UBAC2: variants seen among roughly 807,000 people sequenced by gnomAD.
The protein encoded by UBAC2 is ubiquitin-associated domain-containing protein 2.
In UBAC2, 26 loss-of-function variants were observed where a neutral mutation model predicts 44.0. That is an observed-to-expected ratio of 0.59 (90% confidence interval 0.43 to 0.82). The LOEUF is 0.82. Ranked by LOEUF, UBAC2 falls within the 40% of genes least tolerant of loss-of-function variation. UBAC2 has a pLI of 0.00. For missense variants in UBAC2, 329 were observed against 419.4 expected (o/e 0.78, Z 1.88); for synonymous variants, 155 against 154.3 (o/e 1.00, Z -0.04).
chr13:99,217,170 T>A (rs2043006425), intron 1 of UBAC2, among the ~76,000 whole-genome samples: 1 of 152,198 alleles, frequency 6.6e-6, no homozygotes, highest in African/African-American at 2.4e-5. Context: ...GTTTGGGGTT[T>A]TAGTGGGGCT....
intron 7 of UBAC2, among the ~76,000 whole-genome samples, chr13:99,360,112 A>G (rs1034657013): frequency 3.3e-5 from 5 of 150,388 alleles, no homozygotes. Context: ...TTACTCTTTT[A>G]TGGGGCACCA....
intron 4 of UBAC2, among the ~76,000 whole-genome samples, chr13:99,257,012 A>G (rs1328045140): frequency 2.0e-5 from 3 of 152,190 alleles, no homozygotes; most frequent in Admixed American, 2.0e-4. Flanking sequence ...ATCACGGGCT[A>G]TTGATAATTA....
At chr13:99,246,895 T>C (rs987389299) in intron 4 of UBAC2, among the ~76,000 whole-genome samples, 1 of 152,222 alleles carries the variant, frequency 6.6e-6, no homozygotes, top group East Asian at 1.9e-4. Flanking sequence ...CATTATATAG[T>C]ATGACTTTTT....
chr13:99,215,785 G>A, intron 1 of UBAC2: 2 of 887,874 alleles, frequency 2.3e-6, no homozygotes, highest in Non-Finnish European at 3.5e-6. Context: ...GCTCAAGCAA[G>A]GCAGAGAAAG....
chr13:99,204,673 C>CCTGGG lies in UBAC2; in HGVS notation c.31+3734_31+3735insCTGGG, dbSNP rs144355505. Among the ~76,000 whole-genome samples the CCTGGG allele has an allele frequency of 9.9e-3, 1,503 of 152,020 alleles. 29 individuals carry two copies. The highest frequency in any genetic ancestry group is 0.035 in the African/African-American group (1,456 of 41,434). On this transcript the variant is annotated intron_variant, in intron 1 of 8. Coordinates refer to ENST00000403766, the MANE Select transcript of UBAC2 (RefSeq NM_001144072.2). ...AGAGATTTTCAAAACGGGCCTGAAG[C>CCTGGG]GCGACCTGTGGGAAAGAAAGAGGCC... is the stretch of plus-strand genomic sequence containing the variant.
intron 4 of UBAC2, among the ~76,000 whole-genome samples, chr13:99,279,923 A>G (rs927639247): frequency 1.3e-5 from 2 of 152,256 alleles, no homozygotes; most frequent in Non-Finnish European, 2.9e-5. Context: ...GAGAGGACAG[A>G]AACATTCAGT....
At chr13:99,324,379 G>T (rs1195621478) in intron 6 of UBAC2, among the ~76,000 whole-genome samples, 1 of 152,016 alleles carries the variant, frequency 6.6e-6, no homozygotes, top group Admixed American at 6.6e-5. Flanking sequence ...GCCACTGCCT[G>T]GTTCCACCAT....
chr13:99,215,757 A>G (rs1436509615), intron 1 of UBAC2: 22 of 1,291,852 alleles, frequency 1.7e-5, no homozygotes, highest in African/African-American at 3.0e-5. Flanking sequence ...ACCGTCAGCC[A>G]TTTCGAGTTC....
At chr13:99,255,344 C>A (rs770514440) in intron 4 of UBAC2, 4 of 1,614,100 alleles carry the variant, frequency 2.5e-6, no homozygotes, top group Non-Finnish European at 3.4e-6. Context: ...TAGATGATGT[C>A]AGAAATCTTG....
chr13:99,344,250 G>A (rs1054384248), intron 7 of UBAC2, among the ~76,000 whole-genome samples: 1 of 152,142 alleles, frequency 6.6e-6, no homozygotes, highest in African/African-American at 2.4e-5. Flanking sequence ...CTGGGAGTGA[G>A]ACCCAGCTGT....
intron 4 of UBAC2, among the ~76,000 whole-genome samples, chr13:99,299,866 A>G (rs892496544): frequency 6.6e-6 from 1 of 152,194 alleles, no homozygotes; most frequent in African/African-American, 2.4e-5. Flanking sequence ...TATTTTGCAC[A>G]GGAAAAAAAT....
At chr13:99,202,401 C>T (rs535841283) in intron 1 of UBAC2, among the ~76,000 whole-genome samples, 2 of 152,272 alleles carry the variant, frequency 1.3e-5, no homozygotes, top group South Asian at 4.1e-4. Context: ...TGTGGTTTTC[C>T]TGGGATCACA....
At chr13:99,298,901 TC>T (rs1305001042) in intron 4 of UBAC2, among the ~76,000 whole-genome samples, 3 of 152,200 alleles carry the variant, frequency 2.0e-5, no homozygotes, top group Admixed American at 2.0e-4. Context: ...TTTTCTAAGT[TC>T]TTTGAAAATG....
chr13:99,274,491 GT>G (rs35686257), intron 4 of UBAC2, among the ~76,000 whole-genome samples: 74 of 151,274 alleles, frequency 4.9e-4, no homozygotes, highest in African/African-American at 1.7e-3. Context: ...GGACTGGCTA[GT>G]TTTTTTTATT....
At chr13:99,356,704 G>A (rs114355128) in intron 7 of UBAC2, among the ~76,000 whole-genome samples, 6 of 152,298 alleles carry the variant, frequency 3.9e-5, no homozygotes, top group Admixed American at 2.0e-4. Context: ...TTTATAGCAC[G>A]ACACAAAGAT....
At chr13:99,351,426 T>G (rs1264470458) in intron 7 of UBAC2, 1 of 413,448 alleles carries the variant, frequency 2.4e-6, no homozygotes, top group African/African-American at 2.1e-5. Context: ...ATAGTATCTT[T>G]GATCTCTTGC....
intron 1 of UBAC2, among the ~76,000 whole-genome samples, 172 bp from the exon 2 acceptor site, chr13:99,238,255 C>T (rs1343032386): frequency 2.6e-5 from 4 of 152,234 alleles, no homozygotes; most frequent in Admixed American, 6.5e-5. Flanking sequence ...CTTTTGATCA[C>T]TTACATCCCC....
chr13:99,256,674 T>A (rs2043564619), intron 4 of UBAC2, among the ~76,000 whole-genome samples: 1 of 151,058 alleles, frequency 6.6e-6, no homozygotes, highest in African/African-American at 2.4e-5. Flanking sequence ...ATTCAGTAAC[T>A]TGATGTGTAT....
At chr13:99,325,129 GTC>G (rs1361135437) in intron 6 of UBAC2, among the ~76,000 whole-genome samples, 20 of 124,082 alleles carry the variant, frequency 1.6e-4, no homozygotes, top group Admixed American at 9.1e-4. Flanking sequence ...TTGATACGGA[GTC>G]TCTCACTGTC....
Sources: allele counts gnomAD v4.1 joint callset (sites outside exome capture counted in the v4.1 genomes callset), GRCh38; gene constraint gnomAD v4.1.1; transcripts MANE v1.5; gene names NCBI Gene and HGNC (gene_info 2026-07-23, HGNC 2026-07-21).